UNC5D: variants seen among roughly 807,000 people sequenced by gnomAD.
The protein encoded by UNC5D is unc-5 netrin receptor D, also known as netrin receptor UNC5D.
In UNC5D, 39 loss-of-function variants were observed where a neutral mutation model predicts 105.4. The observed-to-expected ratio is 0.37, with a 90% CI of 0.29 to 0.48. The LOEUF (loss-of-function observed/expected upper bound fraction) is 0.48, where lower values mean the gene tolerates loss of function less well. Among genes scored for constraint, UNC5D ranks in the 20% least tolerant of loss-of-function variants. The probability of loss-of-function intolerance (pLI) is 0.98; values close to 1 mark genes in which losing one functional copy is unlikely to be tolerated. For synonymous variants in UNC5D, 452 were observed against 450.4 expected (o/e 1.00, Z -0.04); for missense variants, 991 against 1,202.4 (o/e 0.82, Z 2.60).
intron 1 of UNC5D, among the ~76,000 whole-genome samples, chr8:35,469,779 G>T (rs1809575314): frequency 1.3e-5 from 2 of 152,152 alleles, no homozygotes; most frequent in African/African-American, 2.4e-5. Context: ...CAGGTCTCAT[G>T]ACTTCATTAT....
intron 1 of UNC5D, among the ~76,000 whole-genome samples, chr8:35,292,716 C>CTTTT (rs35935733): frequency 5.7e-5 from 7 of 123,634 alleles, no homozygotes; most frequent in South Asian, 5.2e-4. Flanking sequence ...CTTTTTTTTC[C>CTTTT]TTTTTTTTTT....
Position 35,376,007 on chromosome 8 carries a change from TC to T in UNC5D, c.103+140121del, listed in dbSNP as rs1802679620. On this transcript the variant is annotated intron_variant, in intron 1 of 16. Transcript: ENST00000404895. ...AGACGTTGATTTGGTCAAACTGCAATCTGTATCTTATGGTGCTGAAACCTAC... is the reference window on the plus strand; with the variant it reads ...AGACGTTGATTTGGTCAAACTGCAATTGTATCTTATGGTGCTGAAACCTAC... Among the ~76,000 whole-genome samples the T allele has an allele frequency of 2.0e-5, 3 of 152,198 alleles. No homozygotes were observed. In the South Asian group the frequency reaches 6.2e-4, roughly 31 times the overall value.
At chr8:35,696,692 C>T (rs183886317) in intron 7 of UNC5D, among the ~76,000 whole-genome samples, 122 of 152,122 alleles carry the variant, frequency 8.0e-4, no homozygotes, top group Non-Finnish European at 4.1e-4. Context: ...CTTTAAATTA[C>T]AAACTAAGTA....
At chr8:35,587,283 AAC>A (rs35992580) in intron 3 of UNC5D, among the ~76,000 whole-genome samples, 15,972 of 149,988 alleles carry the variant, frequency 0.11, 889 homozygotes, top group African/African-American at 0.14. Context: ...GTACCATTCA[AAC>A]ACACACACAC....
chr8:35,248,932 TATATA>T (rs1464912480), intron 1 of UNC5D, among the ~76,000 whole-genome samples: 1 of 93,968 alleles, frequency 1.1e-5, no homozygotes, highest in South Asian at 3.0e-4. Context: ...ATAATATAAA[TATATA>T]ATATATTATA....
At chr8:35,541,200 A>G (rs1815249884) in intron 1 of UNC5D, among the ~76,000 whole-genome samples, 1 of 152,208 alleles carries the variant, frequency 6.6e-6, no homozygotes, top group South Asian at 2.1e-4. Context: ...ATGGACAGAA[A>G]AGGAAAGTGA....
chr8:35,324,233 C>CAAAGAAAAA (rs1809972980), intron 1 of UNC5D, among the ~76,000 whole-genome samples: 1 of 62,802 alleles, frequency 1.6e-5, no homozygotes, highest in Non-Finnish European at 2.9e-5. Flanking sequence ...ACCCTGTCTC[C>CAAAGAAAAA]AAAAAAAAAA....
At chr8:35,366,441 A>G (rs927946926) in intron 1 of UNC5D, among the ~76,000 whole-genome samples, 1 of 151,914 alleles carries the variant, frequency 6.6e-6, no homozygotes, top group African/African-American at 2.4e-5. Context: ...GTTAGATGTA[A>G]CTTCTCAGGC....
chr8:35,404,765 T>A (rs1472943140), intron 1 of UNC5D, among the ~76,000 whole-genome samples: 2 of 152,092 alleles, frequency 1.3e-5, no homozygotes, highest in African/African-American at 4.8e-5. Flanking sequence ...TTTTTTTGTA[T>A]TTTTAGTAGA....
chr8:35,519,337 A>G (rs1188765315), intron 1 of UNC5D, among the ~76,000 whole-genome samples: 3 of 152,158 alleles, frequency 2.0e-5, no homozygotes, highest in Non-Finnish European at 2.9e-5. Flanking sequence ...ATATGTATAT[A>G]TCTATCCCTT....
At chr8:35,442,904 T>TCTCTCTCACA (rs1246705327) in intron 1 of UNC5D, among the ~76,000 whole-genome samples, 2 of 141,356 alleles carry the variant, frequency 1.4e-5, no homozygotes, top group African/African-American at 5.4e-5. Flanking sequence ...TCTCTCTCTC[T>TCTCTCTCACA]CACACACACA....
intron 4 of UNC5D, among the ~76,000 whole-genome samples, chr8:35,605,875 C>T (rs1298562032): frequency 6.6e-6 from 1 of 152,146 alleles, no homozygotes; most frequent in Non-Finnish European, 1.5e-5. Flanking sequence ...ACAGTGTTGC[C>T]ACGCTTTTAA....
intron 1 of UNC5D, among the ~76,000 whole-genome samples, chr8:35,350,574 A>G (rs1393239549): frequency 6.6e-6 from 1 of 151,988 alleles, no homozygotes; most frequent in Non-Finnish European, 1.5e-5. Flanking sequence ...AACCCTCCCC[A>G]CTTTTGATTT....
At chr8:35,693,199 A>AT (rs1329091812) in intron 7 of UNC5D, among the ~76,000 whole-genome samples, 8 of 151,842 alleles carry the variant, frequency 5.3e-5, no homozygotes, top group Admixed American at 6.6e-5. Context: ...TTTAAAAACT[A>AT]TTTTTTTTAC....
At chr8:35,259,136 C>T (rs1469590436) in intron 1 of UNC5D, among the ~76,000 whole-genome samples, 1 of 152,232 alleles carries the variant, frequency 6.6e-6, no homozygotes, top group Middle Eastern at 3.4e-3. Context: ...CTCTAAACTC[C>T]AGTCCTTTCG....
chr8:35,317,489 T>A (rs879560001), intron 1 of UNC5D, among the ~76,000 whole-genome samples: 32 of 152,282 alleles, frequency 2.1e-4, no homozygotes, highest in Non-Finnish European at 3.1e-4. Context: ...AATTTAATTA[T>A]AACAGTTTAT....
At chr8:35,274,995 G>C (rs1025275272) in intron 1 of UNC5D, among the ~76,000 whole-genome samples, 1 of 151,954 alleles carries the variant, frequency 6.6e-6, no homozygotes, top group Admixed American at 6.6e-5. Context: ...GGAGGCTGAG[G>C]CAGGAGAATT....
At chr8:35,338,121 C>T (rs140016079) in intron 1 of UNC5D, among the ~76,000 whole-genome samples, 1 of 152,124 alleles carries the variant, frequency 6.6e-6, no homozygotes, top group Non-Finnish European at 1.5e-5. Context: ...AACTTTCATT[C>T]CTTGGTTGTC....
chr8:35,653,044 C>T (rs865781931), intron 4 of UNC5D, among the ~76,000 whole-genome samples: 1 of 150,644 alleles, frequency 6.6e-6, no homozygotes, highest in Non-Finnish European at 1.5e-5. Context: ...ATTTTCCTGC[C>T]TTAGCCTCCT....
Sources: allele counts gnomAD v4.1 joint callset (sites outside exome capture counted in the v4.1 genomes callset), GRCh38; gene constraint gnomAD v4.1.1; transcripts MANE v1.5; gene names NCBI Gene and HGNC (gene_info 2026-07-23, HGNC 2026-07-21).